YES1: variants seen among roughly 807,000 people sequenced by gnomAD.
The protein encoded by YES1 is YES proto-oncogene 1, Src family tyrosine kinase.
YES1 carries 39 observed loss-of-function variants against 70.4 expected under a neutral mutation model. That is an observed-to-expected ratio of 0.55 (90% CI 0.43 to 0.72). YES1 has a LOEUF of 0.72. Among genes scored for constraint, YES1 ranks in the 30% least tolerant of loss-of-function variants. The probability of loss-of-function intolerance (pLI) is 0.00; values close to 1 mark genes in which losing one functional copy is unlikely to be tolerated. For synonymous variants in YES1, 198 were observed against 218.6 expected (o/e 0.91, Z 0.83); for missense variants, 495 against 644.8 (o/e 0.77, Z 2.52).
At position 743,918 on chromosome 18, in the gene YES1, A is replaced by AT. The variant is rs1455403158; in HGVS notation, c.725-504_725-503insA. Among the ~76,000 whole-genome samples the AT allele has an allele frequency of 7.3e-3, 1,076 of 146,726 alleles. 16 individuals are homozygous for AT. The highest frequency in any genetic ancestry group is 0.022 in the African/African-American group (892 of 40,010). On this transcript the variant is annotated intron_variant, in intron 6 of 11. Coordinates refer to ENST00000314574, the MANE Select transcript of YES1 (RefSeq NM_005433.4). ...GAGATTCTGACTCGAAAAAAAAAAAAATATATATATATATACATGTTATTA... is the reference window on the plus strand; with the variant it reads ...GAGATTCTGACTCGAAAAAAAAAAAATATATATATATATATACATGTTATTA...
chr18:732,931 T>C lies in YES1; in HGVS notation c.1326A>G (p.Glu442=). ...TTGTAAACCGACCATACAGTGCAGC[T>C]TCAGGAGCTGTCCATTTGATTGGAA... ...AKFPIKWTAP[E]AALYGRFTIK... is the part of the protein sequence containing the mutation. The change falls in exon 11 of 12, where the codon GAA becomes GAG. Residue 442 remains glutamate, a synonymous_variant. Transcript: ENST00000314574. 2.5e-6 allele frequency: 4 copies of C among 1,614,218 alleles called. No individual in the cohort carries two copies. The highest frequency in any genetic ancestry group is 3.4e-6 in the Non-Finnish European group (4 of 1,180,034).
At chr18:742,326 G>C (rs2080225115) in intron 8 of YES1, among the ~76,000 whole-genome samples, 1 of 151,938 alleles carries the variant, frequency 6.6e-6, no homozygotes, top group Non-Finnish European at 1.5e-5. Flanking sequence ...TTCCATTGAA[G>C]GTAGTGGGGA....
In YES1 at chr18:754,902, A is replaced by G. The variant is rs568260423; in HGVS notation, c.271+1655T>C. Among the ~76,000 whole-genome samples the G allele has an allele frequency of 1.2e-4, 18 of 152,290 alleles. 1 individual carries two copies. Among genetic ancestry groups the G allele is most frequent in the South Asian group, 1.0e-3 (5 of 4,824 alleles). ...CCCTCTATAATGTAAGCTCCATCAG[A>G]ACAGAAACTTTGTCTTGCTCACCTC... On this transcript the variant is annotated intron_variant, in intron 2 of 11. Coordinates refer to ENST00000314574, the MANE Select transcript of YES1 (RefSeq NM_005433.4).
intron 1 of YES1, among the ~76,000 whole-genome samples, chr18:767,053 ATCTGTAAGTCTGAACTCT>A (rs71174289): frequency 0.33 from 50,344 of 151,666 alleles, 8,771 homozygotes; most frequent in African/African-American, 0.41. Flanking sequence ...CTACATGTTC[ATCTGTAAGTCTGAACTCT>A]TCTGTAAGTC....
chr18:772,028 T>C (rs1167094912), intron 1 of YES1, among the ~76,000 whole-genome samples: 2 of 151,492 alleles, frequency 1.3e-5, no homozygotes, highest in Non-Finnish European at 2.9e-5. Context: ...CACAAAAGCA[T>C]GTTCAAGTTT....
intron 1 of YES1, among the ~76,000 whole-genome samples, chr18:790,132 T>C (rs1228894173): frequency 6.6e-6 from 1 of 152,182 alleles, no homozygotes; most frequent in Non-Finnish European, 1.5e-5. Flanking sequence ...TCTCAGCACT[T>C]TGGGAGACCA....
chr18:779,620 C>G (rs749594495), intron 1 of YES1, among the ~76,000 whole-genome samples: 13 of 152,092 alleles, frequency 8.5e-5, no homozygotes, highest in Non-Finnish European at 1.9e-4. Flanking sequence ...GGCAGAAAGG[C>G]ACCTATCAAG....
chr18:784,961 T>TA (rs1419730202), intron 1 of YES1, among the ~76,000 whole-genome samples: 1 of 152,162 alleles, frequency 6.6e-6, no homozygotes, highest in African/African-American at 2.4e-5. Flanking sequence ...CCTACCACAG[T>TA]ACCCATGCTT....
In YES1 at chr18:723,079, G is replaced by T. The variant is rs565522812; in HGVS notation, c.*1345C>A. 1.3e-5 allele frequency: 2 copies of T among 151,854 alleles called. No individual in the cohort carries two copies. Among genetic ancestry groups the T allele is most frequent in the Non-Finnish European group, 2.9e-5 (2 of 67,988 alleles). The allele number at this position is 151,854 out of a possible 1,614,324, so 9.4% of individuals were successfully genotyped here. On this transcript the variant is annotated 3_prime_UTR_variant, in exon 12 of 12. Transcript: ENST00000314574. ...TGCACTCCAGCCTGGGCGACAGAGC[G>T]AGACTCCGTCTCAAAAAAGAAAACA...
At chr18:732,728 C>A in intron 11 of YES1, 106 bp downstream of exon 11, 1 of 1,419,002 alleles carries the variant, frequency 7.0e-7, no homozygotes. Flanking sequence ...GGCAGGGGGA[C>A]TATGAGAAGA....
chr18:800,753 G>C lies in YES1; in HGVS notation c.-9+11361C>G, dbSNP rs777315243. 2.0e-5 allele frequency among the ~76,000 whole-genome samples: 3 copies of C among 152,328 alleles called. No homozygotes were observed. The South Asian group carries it at 6.2e-4, about 32-fold the overall frequency. ...TTCTTCCAGTGATGTTCATATAACA[G>C]TAATAGTTACAAGGCTGGAGGTGGT... On this transcript the variant is annotated intron_variant, in intron 1 of 11. Transcript: ENST00000314574.
chr18:782,154 T>C (rs1006011531), intron 1 of YES1, among the ~76,000 whole-genome samples: 1 of 152,208 alleles, frequency 6.6e-6, no homozygotes, highest in Admixed American at 6.5e-5. Context: ...TGTTTTATCT[T>C]AGTCTCTCTT....
In YES1 at chr18:722,063, A is replaced by G. The variant is rs1156928473; in HGVS notation, c.*2361T>C. The G allele has an allele frequency of 6.6e-6, 1 of 152,658 alleles. No homozygotes were observed. The highest frequency in any genetic ancestry group is 1.5e-5 in the Non-Finnish European group (1 of 68,042). 9.5% of individuals were successfully genotyped at this position (152,658 alleles called of 1,614,324 possible). ...TTGTTATTATATAAGGAACTGCTCC[A>G]TTCAGTTAAAACCTAATGAATACCA... On this transcript the variant is annotated 3_prime_UTR_variant, in exon 12 of 12. Coordinates refer to ENST00000314574, the MANE Select transcript of YES1 (RefSeq NM_005433.4).
intron 6 of YES1, among the ~76,000 whole-genome samples, chr18:744,689 CTTTT>C (rs71174284): frequency 5.1e-4 from 29 of 56,876 alleles, no homozygotes; most frequent in Middle Eastern, 0.017. Context: ...CACGCCTGGC[CTTTT>C]TTTTTTTTTT....
intron 1 of YES1, among the ~76,000 whole-genome samples, chr18:767,018 G>A (rs977213238): frequency 5.3e-5 from 8 of 151,866 alleles, no homozygotes; most frequent in African/African-American, 4.8e-5. Context: ...TTATGTGTCC[G>A]GAAAATTCTT....
chr18:726,208 G>A (rs1338534149), intron 11 of YES1, among the ~76,000 whole-genome samples: 3 of 151,880 alleles, frequency 2.0e-5, no homozygotes, highest in Non-Finnish European at 2.9e-5. Flanking sequence ...GGCAGATCAC[G>A]AGGTCAAGAG....
intron 1 of YES1, among the ~76,000 whole-genome samples, chr18:788,783 A>G (rs1275265312): frequency 2.6e-5 from 4 of 152,162 alleles, no homozygotes; most frequent in Admixed American, 6.6e-5. Context: ...AAAATTAGCC[A>G]GACATGGTGG....
intron 1 of YES1, among the ~76,000 whole-genome samples, chr18:776,575 T>C (rs961110313): frequency 1.3e-5 from 2 of 152,176 alleles, no homozygotes; most frequent in African/African-American, 4.8e-5. Context: ...TTTCTGTGTA[T>C]TGGAGGAGTA....
At chr18:810,548 A>G (rs956672663) in intron 1 of YES1, among the ~76,000 whole-genome samples, 4 of 152,256 alleles carry the variant, frequency 2.6e-5, no homozygotes, top group African/African-American at 9.6e-5. Flanking sequence ...TACAGTGGTT[A>G]CAACAGAGTA....
Sources: gnomAD v4.1 joint callset for allele counts (sites outside exome capture counted in the v4.1 genomes callset) on GRCh38, gnomAD v4.1.1 for gene constraint, MANE v1.5 for transcripts, NCBI Gene and HGNC (gene_info 2026-07-23, HGNC 2026-07-21) for gene names.